The following FANCI variants were observed in gnomAD, a reference collection of about 807,000 sequenced individuals.
The protein encoded by FANCI is Fanconi anemia group I protein.
A neutral mutation model predicts 176.1 loss-of-function variants in FANCI; 156 were observed. The observed-to-expected ratio is 0.89, with a 90% CI of 0.78 to 1.01. The LOEUF is 1.01. FANCI is among the 50% of genes least tolerant of loss of function. The pLI is 0.00. For missense variants in FANCI, 1,678 were observed against 1,534.1 expected, an observed-to-expected ratio of 1.09 and a Z score of -1.57; for synonymous variants, 613 against 541.7, an observed-to-expected ratio of 1.13 and a Z score of -1.83.
chr15:89,299,866 A>G lies in FANCI; in HGVS notation c.2703A>G (p.Gly901=), dbSNP rs781021196. 6.2e-7 allele frequency: 1 copy of G among 1,614,166 alleles called. No homozygotes were observed. The highest frequency in any genetic ancestry group is 1.1e-5 in the South Asian group (1 of 91,078). ...SVEESGKKEK[G]KSISLLCLEG... is the part of the protein sequence containing the mutation. ...AAGAGTCGGGAAAGAAAGAGAAAGG[A>G]AAGAGCATCTCACTGCTGTGCTTGG... Residue 901 remains glycine (G), a synonymous_variant, in exon 25 of 38, where the codon GGA becomes GGG. Transcript: ENST00000310775.
intron 13 of FANCI, among the ~76,000 whole-genome samples, chr15:89,277,814 G>A (rs2053466822): frequency 6.6e-6 from 1 of 151,990 alleles, no homozygotes; most frequent in Non-Finnish European, 1.5e-5. Flanking sequence ...AACTTTTCTA[G>A]TAATTCCTCT....
At chr15:89,284,888 G>C (rs529530095) in intron 17 of FANCI, among the ~76,000 whole-genome samples, 1 of 152,300 alleles carries the variant, frequency 6.6e-6, no homozygotes, top group South Asian at 2.1e-4. Context: ...AGTTAATTTT[G>C]TTAAAATGCT....
In FANCI at chr15:89,260,988, G is replaced by A. The variant is rs914694297; in HGVS notation, c.288+145G>A. The A allele has an allele frequency of 1.1e-5, 12 of 1,055,194 alleles. No homozygotes were observed. In the African/African-American group the frequency reaches 1.3e-4, roughly 11 times the overall value. The allele number at this position is 1,055,194 out of a possible 1,614,324, so 65.4% of individuals were successfully genotyped here. On this transcript the variant is annotated intron_variant, in intron 4 of 37. Transcript: ENST00000310775. Reference sequence around the variant, plus strand: ...TTGTTAAAAAACAAAGAAGCAGGCCGGGCATGGTGACTCACACCTGTAATC... The same window carrying A: ...TTGTTAAAAAACAAAGAAGCAGGCCAGGCATGGTGACTCACACCTGTAATC...
In FANCI at chr15:89,301,567, T is replaced by C. The variant is rs141838622; in HGVS notation, c.3006+125T>C. ...TTATTTTACATAATGTGTTTAATTATACACCTGAGTTAATATAAGACCTAT... is the reference window on the plus strand; with the variant it reads ...TTATTTTACATAATGTGTTTAATTACACACCTGAGTTAATATAAGACCTAT... On this transcript the variant is annotated intron_variant, in intron 27 of 37. Transcript: ENST00000310775. 6.0e-4 allele frequency: 468 copies of C among 784,764 alleles called. 2 individuals carry two copies. The African/African-American group carries it at 7.2e-3, about 12-fold the overall frequency. 48.6% of individuals were successfully genotyped at this position (784,764 alleles called of 1,614,324 possible). A position where few individuals can be genotyped will look rare whatever the true frequency, so the allele number is the denominator to read the frequency against.
At chr15:89,266,095 C>G (rs2052943114) in intron 9 of FANCI, among the ~76,000 whole-genome samples, 2 of 149,092 alleles carry the variant, frequency 1.3e-5, no homozygotes, top group Non-Finnish European at 3.0e-5. Context: ...TTCCTGGGCT[C>G]AAGTGACCCT....
In FANCI at chr15:89,307,642, C is replaced by A. The variant is rs112582285; in HGVS notation, c.3621C>A (p.Pro1207=). 1 of 1,614,142 alleles carries A rather than the reference C, an allele frequency of 6.2e-7. No individual in the cohort carries two copies. Among genetic ancestry groups the A allele is most frequent in the East Asian group, 2.2e-5 (1 of 44,876 alleles). The part of the protein sequence containing the change: ...LVKLSGSHLT[P]LCYSFISYVQ... ...AGCTGTCTGGTTCTCATCTGACCCCCCTGTGTTATTCTTTCATTTCTTACG... is the reference window on the plus strand; with the variant it reads ...AGCTGTCTGGTTCTCATCTGACCCCACTGTGTTATTCTTTCATTTCTTACG... Residue 1207 remains proline, a synonymous_variant, in exon 34 of 38, where the codon CCC becomes CCA. Transcript: ENST00000310775.
chr15:89,306,256 G>A, intron 32 of FANCI, 62 bp downstream of exon 32: 2 of 1,536,664 alleles, frequency 1.3e-6, no homozygotes, highest in Non-Finnish European at 1.8e-6. Context: ...AGGAGATGAG[G>A]ATGGGGCAGC....
chr15:89,306,014 C>G lies in FANCI; in HGVS notation c.3357C>G (p.Ala1119=), dbSNP rs776056195. Residue 1119 remains alanine (A), a synonymous_variant, in exon 32 of 38, where the codon GCC becomes GCG. Transcript: ENST00000310775. Reference sequence around the variant, plus strand: ...AATTTTATTTCCCTTTAGAAGAGGCCTCTTCTCAGGCAACCCTACCAAATC... The same window carrying G: ...AATTTTATTTCCCTTTAGAAGAGGCGTCTTCTCAGGCAACCCTACCAAATC... ...QVSQETLSEE[A]SSQATLPNQP... 6.2e-7 allele frequency: 1 copy of G among 1,614,128 alleles called. No homozygotes were observed. The highest frequency in any genetic ancestry group is 8.5e-7 in the Non-Finnish European group (1 of 1,180,026).
At chr15:89,273,686 C>T (rs1479152824) in intron 11 of FANCI, among the ~76,000 whole-genome samples, 1 of 152,116 alleles carries the variant, frequency 6.6e-6, no homozygotes, top group Non-Finnish European at 1.5e-5. Flanking sequence ...CCTCCGTTTC[C>T]TGTTGTGTGG....
chr15:89,307,138 C>G (rs1025240239), intron 32 of FANCI, among the ~76,000 whole-genome samples: 3 of 152,190 alleles, frequency 2.0e-5, no homozygotes, highest in Non-Finnish European at 4.4e-5. Flanking sequence ...CTACATGTGG[C>G]TAAGCTGCTG....
At chr15:89,289,317 C>G (rs79601482) in intron 18 of FANCI, among the ~76,000 whole-genome samples, 23 of 151,896 alleles carry the variant, frequency 1.5e-4, no homozygotes, top group African/African-American at 5.3e-4. Flanking sequence ...CTTTCCTTTC[C>G]GATGGAGTCT....
intron 12 of FANCI, among the ~76,000 whole-genome samples, chr15:89,275,215 G>A (rs1208167520): frequency 1.3e-5 from 2 of 150,470 alleles, no homozygotes; most frequent in Non-Finnish European, 3.0e-5. Flanking sequence ...ATAGGTGCAT[G>A]CCACTGCATC....
chr15:89,272,768 C>G (rs1007500341), intron 10 of FANCI, among the ~76,000 whole-genome samples: 5 of 152,102 alleles, frequency 3.3e-5, no homozygotes, highest in Non-Finnish European at 7.4e-5. Context: ...CTCCCAGATT[C>G]AAGTGATTCT....
At chr15:89,275,156 G>A (rs182484569) in intron 12 of FANCI, among the ~76,000 whole-genome samples, 176 of 143,038 alleles carry the variant, frequency 1.2e-3, no homozygotes, top group African/African-American at 4.0e-3. Context: ...TTGATCTTCT[G>A]GGCTCAACTG....
At chr15:89,304,839 C>T (rs1041579524) in intron 28 of FANCI, among the ~76,000 whole-genome samples, 3 of 151,862 alleles carry the variant, frequency 2.0e-5, no homozygotes, top group Admixed American at 6.6e-5. Flanking sequence ...TGCAATGGCA[C>T]GGTCTTGGCT....
At chr15:89,283,760 T>C (rs964552164) in intron 17 of FANCI, among the ~76,000 whole-genome samples, 2 of 138,568 alleles carry the variant, frequency 1.4e-5, no homozygotes, top group East Asian at 5.2e-4. Flanking sequence ...TATTTCTTTC[T>C]TTTTTTTTTT....
intron 26 of FANCI, among the ~76,000 whole-genome samples, chr15:89,300,931 T>A (rs1232402780): frequency 6.6e-6 from 1 of 152,216 alleles, no homozygotes; most frequent in African/African-American, 2.4e-5. Flanking sequence ...AGAAAGACAC[T>A]GACAAATAAT....
intron 2 of FANCI, among the ~76,000 whole-genome samples, chr15:89,256,937 C>G (rs957024527): frequency 6.6e-6 from 1 of 152,064 alleles, no homozygotes; most frequent in African/African-American, 2.4e-5. Flanking sequence ...TATGGAGTCT[C>G]GCTCTGTCAC....
rs778179267 is a variant in FANCI, at chr15:89,260,861, A to T, written c.288+18A>T. The T allele has an allele frequency of 5.0e-6, 8 of 1,612,900 alleles. No homozygotes were observed. In the East Asian group the frequency reaches 1.8e-4, roughly 36 times the overall value. On this transcript the variant is annotated intron_variant, in intron 4 of 37. Transcript: ENST00000310775. ...TGCTGGAGGTAAGATGGCAAACAAA[A>T]ACTTTTATTTGGGGGTAGGTTTTTG...
Sources: allele counts gnomAD v4.1 joint callset (sites outside exome capture counted in the v4.1 genomes callset), GRCh38; gene constraint gnomAD v4.1.1; transcripts MANE v1.5; gene names NCBI Gene and HGNC (gene_info 2026-07-23, HGNC 2026-07-21).